Variants in SDHAF4 observed in about 807,000 individuals in gnomAD.
The protein encoded by SDHAF4 is succinate dehydrogenase assembly factor 4, mitochondrial.
A neutral mutation model predicts 14.3 loss-of-function variants in SDHAF4; 14 were observed. The observed-to-expected ratio is 0.98, with a 90% CI of 0.65 to 1.53. The LOEUF is 1.53. Among genes scored for constraint, SDHAF4 ranks in the 40% most tolerant of loss-of-function variants. The pLI is 0.00. For missense variants in SDHAF4, 141 were observed against 129.3 expected (o/e 1.09, Z -0.44); for synonymous variants, 63 against 47.3 (o/e 1.33, Z -1.36).
chr6:70,581,256 G>T (rs1250937516), intron 2 of SDHAF4, among the ~76,000 whole-genome samples: 1 of 151,576 alleles, frequency 6.6e-6, no homozygotes, highest in Non-Finnish European at 1.5e-5. Context: ...CTACCAAATT[G>T]TACACTTACA....
At chr6:70,595,835 C>CAAAAAAA in the SDHAF4 span, among the ~76,000 whole-genome samples, 2 of 98,706 alleles carry the variant, frequency 2.0e-5, no homozygotes, top group Non-Finnish European at 2.0e-5. Context: ...GACTCTATCT[C>CAAAAAAA]AAAAAAAAAA....
intron 2 of SDHAF4, among the ~76,000 whole-genome samples, chr6:70,581,196 C>A (rs1673618483): frequency 6.6e-6 from 1 of 152,012 alleles, no homozygotes; most frequent in African/African-American, 2.4e-5. Flanking sequence ...TCCCAAAGTG[C>A]TGGGATTACA....
intron 1 of SDHAF4, among the ~76,000 whole-genome samples, chr6:70,577,811 G>C (rs1031053893): frequency 6.6e-6 from 1 of 152,156 alleles, no homozygotes; most frequent in Non-Finnish European, 1.5e-5. Context: ...TTATATGTGA[G>C]AATATGCAAT....
chr6:70,578,782 C>T (rs1433419725), intron 1 of SDHAF4, among the ~76,000 whole-genome samples: 2 of 152,162 alleles, frequency 1.3e-5, no homozygotes, highest in Admixed American at 1.3e-4. Flanking sequence ...GGTCCAGTTT[C>T]ATTGTTCTGC....
At chr6:70,568,965 T>TTTTTTTTC (rs1802142252) in intron 1 of SDHAF4, among the ~76,000 whole-genome samples, 1 of 87,304 alleles carries the variant, frequency 1.1e-5, no homozygotes, top group African/African-American at 5.3e-5. Flanking sequence ...CTTTTTTCTT[T>TTTTTTTTC]TTTTTTTTTT....
At position 70,567,000 on chromosome 6, in the gene SDHAF4, G is replaced by A; in HGVS notation, c.60G>A (p.Ala20=). 6.3e-7 allele frequency: 1 copy of A among 1,587,948 alleles called. No individual in the cohort carries two copies. ...LSWVSATAWR[A]ARSPLLCHSL... ...GGGTCTCGGCCACGGCGTGGAGAGC[G>A]GCAAGTAAGCACCTGGCCTCGGGGC... is the stretch of plus-strand genomic sequence containing the variant. The change falls in exon 1 of 3, where the codon GCG becomes GCA. Residue 20 remains alanine (A), a synonymous_variant. Transcript: ENST00000370474.
At chr6:70,574,961 T>G (rs1802233226) in intron 1 of SDHAF4, among the ~76,000 whole-genome samples, 1 of 152,190 alleles carries the variant, frequency 6.6e-6, no homozygotes, top group African/African-American at 2.4e-5. Context: ...GTTCACTTTC[T>G]TTTCTCAGTA....
intron 1 of SDHAF4, among the ~76,000 whole-genome samples, chr6:70,572,321 G>A (rs1298754395): frequency 6.6e-6 from 1 of 151,856 alleles, no homozygotes; most frequent in East Asian, 1.9e-4. Context: ...TTTGTTTATT[G>A]TTGATCTTCT....
At chr6:70,573,780 T>C (rs1256172173) in intron 1 of SDHAF4, among the ~76,000 whole-genome samples, 1 of 151,510 alleles carries the variant, frequency 6.6e-6, no homozygotes, top group African/African-American at 2.4e-5. Context: ...GTTCAAGCGA[T>C]TGTCTTGCCT....
intron 1 of SDHAF4, 26 bp from the exon 2 acceptor site, chr6:70,579,387 AT>A: frequency 7.0e-7 from 1 of 1,434,326 alleles, no homozygotes; most frequent in South Asian, 1.7e-5. Context: ...AACAGCTCCT[AT>A]TTTTCTATTA....
intron 2 of SDHAF4, among the ~76,000 whole-genome samples, chr6:70,581,083 C>T (rs1202970938): frequency 2.0e-5 from 3 of 152,100 alleles, no homozygotes; most frequent in African/African-American, 7.2e-5. Context: ...AGGCACACCA[C>T]CACACTGGCT....
At chr6:70,569,004 C>T (rs1455724787) in intron 1 of SDHAF4, among the ~76,000 whole-genome samples, 3 of 114,424 alleles carry the variant, frequency 2.6e-5, no homozygotes, top group South Asian at 5.6e-4. Context: ...TTCGCTCTGT[C>T]GCCCGGGCTG....
chr6:70,582,630 C>A (rs1450001329), intron 2 of SDHAF4, among the ~76,000 whole-genome samples: 1 of 152,184 alleles, frequency 6.6e-6, no homozygotes, highest in Non-Finnish European at 1.5e-5. Flanking sequence ...TACCAAGTCA[C>A]CCAAGCCCGA....
intron 1 of SDHAF4, among the ~76,000 whole-genome samples, chr6:70,569,091 G>A (rs1210035837): frequency 3.7e-5 from 5 of 136,720 alleles, no homozygotes; most frequent in Non-Finnish European, 4.6e-5. Flanking sequence ...TCAGCCTCCC[G>A]TGTAGCTGGG....
chr6:70,579,582 C>A lies in SDHAF4; in HGVS notation c.217+16C>A. 6.4e-7 allele frequency: 1 copy of A among 1,558,352 alleles called. No individual in the cohort carries two copies. ...CCACTGGAAAGTAAGTATAATAAAG[C>A]ACCTCTCAGTTTTTGAAGTATCAAG... On this transcript the variant is annotated intron_variant, in intron 2 of 2. Coordinates refer to ENST00000370474, the MANE Select transcript of SDHAF4 (RefSeq NM_145267.3).
At chr6:70,569,496 G>A (rs990051061) in intron 1 of SDHAF4, among the ~76,000 whole-genome samples, 2 of 152,038 alleles carry the variant, frequency 1.3e-5, no homozygotes, top group Non-Finnish European at 2.9e-5. Flanking sequence ...TATCAGCCTC[G>A]GCCTACCGAA....
chr6:70,581,319 AAAG>A lies in SDHAF4; in HGVS notation c.217+1756_217+1758del, dbSNP rs200655308. On this transcript the variant is annotated intron_variant, in intron 2 of 2. Coordinates refer to ENST00000370474, the MANE Select transcript of SDHAF4 (RefSeq NM_145267.3). ...TATATATTTTACCACAGTAAAAAAA[AAAG>A]AAAGCAAAAACCTGCACTTTTCAAA... Among the ~76,000 whole-genome samples the A allele has an allele frequency of 7.3e-3, 1,109 of 152,190 alleles. 18 individuals are homozygous for A. Among genetic ancestry groups the A allele is most frequent in the African/African-American group, 0.026 (1,067 of 41,520 alleles).
intron 1 of SDHAF4, among the ~76,000 whole-genome samples, chr6:70,571,964 T>C (rs1261554361): frequency 6.6e-6 from 1 of 151,836 alleles, no homozygotes; most frequent in Non-Finnish European, 1.5e-5. Flanking sequence ...ATATAATATG[T>C]ACTCTCTTTT....
chr6:70,597,039 T>A, the SDHAF4 span: 1 of 152,240 alleles, frequency 6.6e-6, no homozygotes, highest in East Asian at 1.9e-4. Flanking sequence ...GAGTGCCTAA[T>A]GAGTTCATTC....
Sources: allele counts gnomAD v4.1 joint callset (sites outside exome capture counted in the v4.1 genomes callset), GRCh38; gene constraint gnomAD v4.1.1; transcripts MANE v1.5; gene names NCBI Gene and HGNC (gene_info 2026-07-23, HGNC 2026-07-21).